VPS13D: variants seen among roughly 807,000 people sequenced by gnomAD.
VPS13D encodes intermembrane lipid transfer protein VPS13D.
Under a neutral mutation model 461.9 loss-of-function variants are expected in VPS13D, and 187 were observed. That is an observed-to-expected ratio of 0.40 (90% CI 0.36 to 0.46). The LOEUF (loss-of-function observed/expected upper bound fraction) is 0.46. VPS13D is among the 20% of genes least tolerant of loss of function. VPS13D has a pLI of 0.60. For synonymous variants in VPS13D, 1,951 were observed against 1,986.3 expected (o/e 0.98, Z 0.47); for missense variants, 4,711 against 5,364.9 (o/e 0.88, Z 3.81).
rs746057802 is a variant in VPS13D, at chr1:12,383,011, T to G, written c.11226T>G (p.Ala3742=). Residue 3742 remains alanine (A), a synonymous_variant, in exon 58 of 70, where the codon GCT becomes GCG. Coordinates refer to ENST00000620676, the MANE Select transcript of VPS13D (RefSeq NM_015378.4). ...GACTTTCTGGTTTGTTTGATGGAGC[T>G]GAAGTTGTTCTTGGTCCTGACACTT... ...KGGLSGLFDG[A]EVVLGPDTSM... is the part of the protein sequence containing the mutation. 1 of 1,614,180 alleles carries G rather than the reference T, an allele frequency of 6.2e-7. No homozygotes were observed. The highest frequency in any genetic ancestry group is 8.5e-7 in the Non-Finnish European group (1 of 1,180,030).
intron 13 of VPS13D, among the ~76,000 whole-genome samples, chr1:12,263,905 C>A (rs1395957608): frequency 6.6e-6 from 1 of 152,186 alleles, no homozygotes; most frequent in Non-Finnish European, 1.5e-5. Flanking sequence ...TGCCTTATTG[C>A]ACTTCATAGA....
chr1:12,336,559 C>T (rs1643455755), intron 39 of VPS13D: 1 of 152,250 alleles, frequency 6.6e-6, no homozygotes, highest in Non-Finnish European at 1.5e-5. Context: ...CTTCACATAG[C>T]TCATGAATAC....
intron 61 of VPS13D, among the ~76,000 whole-genome samples, chr1:12,400,962 GCACACACACACACACA>G (rs55998605): frequency 9.4e-6 from 1 of 106,218 alleles, no homozygotes; most frequent in African/African-American, 3.4e-5. Context: ...CTGCGCGCGC[GCACACACACACACACA>G]CACACACACA....
rs1319239277 is a variant in VPS13D, at chr1:12,314,368, C to T, written c.7148+41C>T. ...CCTTCTCTGCCTTTCTTTGTGGAGA[C>T]ATTCCCTTTTGGGTCACGTCTTTGT... On this transcript the variant is annotated intron_variant, in intron 30 of 69. Coordinates refer to ENST00000620676, the MANE Select transcript of VPS13D (RefSeq NM_015378.4). The T allele has an allele frequency of 3.2e-6, 5 of 1,586,024 alleles. No individual in the cohort carries two copies. The South Asian group carries it at 3.4e-5, about 11-fold the overall frequency.
intron 25 of VPS13D, 120 bp from the exon 26 acceptor site, chr1:12,304,386 G>A (rs1642503979): frequency 1.2e-6 from 1 of 839,456 alleles, no homozygotes; most frequent in African/African-American, 1.7e-5. Flanking sequence ...AAGTATTATA[G>A]AGTCTTTGAA....
At chr1:12,286,903 C>T (rs954606120) in intron 21 of VPS13D, among the ~76,000 whole-genome samples, 1 of 152,160 alleles carries the variant, frequency 6.6e-6, no homozygotes, top group Non-Finnish European at 1.5e-5. Context: ...CCCTATCACC[C>T]AGGCTGTAGT....
In VPS13D at chr1:12,319,601, C is replaced by T; in HGVS notation, c.7519C>T (p.Pro2507Ser). The change falls in exon 32 of 70, where the codon CCC (proline) becomes TCC (serine). Residue 2507 changes from proline (P) to serine (S), a missense_variant. Pro to Ser is a moderately conservative substitution (Grantham distance 74, BLOSUM62 -1). Transcript: ENST00000620676. ...CTATAAGCCCCGGTTTGTTGATCGC[C>T]CCTTTTCAGGAAGTTTGTTTGGCAT... Reference protein sequence around the residue: ...LTYKPRFVDRPFSGSLFGIEV... With the variant: ...LTYKPRFVDRSFSGSLFGIEV... 1 of 1,614,176 alleles carries T rather than the reference C, an allele frequency of 6.2e-7. No homozygotes were observed. The highest frequency in any genetic ancestry group is 8.5e-7 in the Non-Finnish European group (1 of 1,180,024).
chr1:12,391,347 A>G (rs374993910), intron 60 of VPS13D, among the ~76,000 whole-genome samples: 3 of 152,130 alleles, frequency 2.0e-5, no homozygotes, highest in East Asian at 3.9e-4. Flanking sequence ...TCCTCTGTCA[A>G]TTGATCATGG....
At chr1:12,378,178 G>A (rs1184611350) in intron 55 of VPS13D, among the ~76,000 whole-genome samples, 2 of 152,108 alleles carry the variant, frequency 1.3e-5, no homozygotes, top group African/African-American at 4.8e-5. Flanking sequence ...AAAATAATAC[G>A]TTTGTTAAAA....
intron 3 of VPS13D, 53 bp downstream of exon 3, chr1:12,242,643 G>A (rs1265512262): frequency 4.0e-6 from 6 of 1,495,912 alleles, no homozygotes; most frequent in Non-Finnish European, 5.6e-6. Context: ...TTGTTTGAGA[G>A]GTGAAAACTG....
chr1:12,448,903 G>C (rs1416677257), intron 65 of VPS13D, among the ~76,000 whole-genome samples: 2 of 152,198 alleles, frequency 1.3e-5, no homozygotes, highest in African/African-American at 4.8e-5. Flanking sequence ...AGAGAAACTT[G>C]CCAGTTCAGC....
intron 67 of VPS13D, among the ~76,000 whole-genome samples, chr1:12,494,349 A>G (rs191755248): frequency 1.6e-4 from 24 of 151,940 alleles, no homozygotes; most frequent in African/African-American, 5.3e-4. Flanking sequence ...AAAATAATGT[A>G]TTGGGAGTGG....
intron 24 of VPS13D, among the ~76,000 whole-genome samples, chr1:12,298,876 C>A (rs946704798): frequency 6.6e-6 from 1 of 152,078 alleles, no homozygotes; most frequent in Non-Finnish European, 1.5e-5. Context: ...AAATTTCTCT[C>A]TAAGCATAGT....
intron 31 of VPS13D, 66 bp downstream of exon 31, chr1:12,318,403 AG>A: frequency 9.1e-6 from 14 of 1,542,346 alleles, no homozygotes; most frequent in Non-Finnish European, 1.2e-5. Flanking sequence ...TCTGCCTTAC[AG>A]GATGATTGCT....
intron 12 of VPS13D, 147 bp downstream of exon 12, chr1:12,261,296 G>A (rs968134384): frequency 2.1e-6 from 2 of 944,894 alleles, no homozygotes; most frequent in African/African-American, 1.6e-5. Flanking sequence ...TATTTTGGGA[G>A]ATACTCCATT....
chr1:12,266,970 A>G lies in VPS13D; in HGVS notation c.1684A>G (p.Thr562Ala). The change falls in exon 14 of 70, where the codon ACA becomes GCA. Residue 562 changes from threonine (T) to alanine (A), a missense_variant. Around this residue, in one of 3 missense-constraint regions of VPS13D, gnomAD observed 4,411 missense variants for 4,937.8 expected, o/e 0.89. Coordinates refer to ENST00000620676, the MANE Select transcript of VPS13D (RefSeq NM_015378.4). ...LGGLFLRDLA[T>A]EGTMFPLLVF... The stretch of plus-strand genomic sequence containing the variant: ...TGGACTGTTTCTTCGAGACCTGGCT[A>G]CAGAAGGAACTATGTTTCCTCTTCT... The G allele has an allele frequency of 6.2e-7, 1 of 1,610,208 alleles. No homozygotes were observed. The highest frequency in any genetic ancestry group is 2.2e-5 in the East Asian group (1 of 44,826).
intron 18 of VPS13D, among the ~76,000 whole-genome samples, chr1:12,275,114 G>T (rs1287487216): frequency 6.6e-6 from 1 of 152,190 alleles, no homozygotes; most frequent in Non-Finnish European, 1.5e-5. Flanking sequence ...AGCTGTCCGG[G>T]AGGCTGAGGC....
chr1:12,255,345 A>G (rs1026818625), intron 7 of VPS13D, among the ~76,000 whole-genome samples: 1 of 152,226 alleles, frequency 6.6e-6, no homozygotes, highest in Non-Finnish European at 1.5e-5. Flanking sequence ...TGAGTATGTA[A>G]CAGTCTCTAA....
At chr1:12,230,319 C>T (rs1639920176) in intron 1 of VPS13D, among the ~76,000 whole-genome samples, 199 bp downstream of exon 1, 1 of 152,090 alleles carries the variant, frequency 6.6e-6, no homozygotes, top group Non-Finnish European at 1.5e-5. Flanking sequence ...GCGTCTGCTC[C>T]CCCCGGGCCC....
Sources: gnomAD v4.1 joint callset for allele counts (sites outside exome capture counted in the v4.1 genomes callset) on GRCh38, gnomAD v4.1.1 for gene constraint, gnomAD v4.1.1 regional missense constraint, MANE v1.5 for transcripts, NCBI Gene and HGNC (gene_info 2026-07-23, HGNC 2026-07-21) for gene names.